The following SFXN5 variants were observed in gnomAD, a reference collection of about 807,000 sequenced individuals.
SFXN5 encodes sideroflexin 5.
SFXN5 carries 43 observed loss-of-function variants against 50.2 expected under a neutral mutation model. The observed-to-expected ratio is 0.86, with a 90% CI of 0.67 to 1.11. SFXN5 has a LOEUF of 1.11. Ranked by LOEUF, SFXN5 falls within the 50% of genes least tolerant of loss-of-function variation. The pLI, the probability that SFXN5 is intolerant of heterozygous loss-of-function variation, is 0.00. For missense variants in SFXN5, 463 were observed against 454.1 expected, an observed-to-expected ratio of 1.02 and a Z score of -0.18; for synonymous variants, 203 against 185.8, an observed-to-expected ratio of 1.09 and a Z score of -0.75.
intron 2 of SFXN5, among the ~76,000 whole-genome samples, chr2:73,050,388 GCA>G (rs770773072): frequency 0.56 from 80,007 of 143,804 alleles, 25,989 homozygotes; most frequent in Non-Finnish European, 0.72. Context: ...CAGCCACAGC[GCA>G]CGCACACACA....
chr2:73,050,377 G>A (rs535160783), intron 2 of SFXN5, among the ~76,000 whole-genome samples: 1 of 93,076 alleles, frequency 1.1e-5, no homozygotes, highest in Non-Finnish European at 1.9e-5. Context: ...AGGTAGCGCC[G>A]CAGCCACAGC....
At position 72,965,222 on chromosome 2, in the gene SFXN5, C is replaced by T. The variant is rs149597920; in HGVS notation, c.827+3226G>A. 2.1e-3 allele frequency among the ~76,000 whole-genome samples: 322 copies of T among 152,230 alleles called. 2 individuals carry two copies. The highest frequency in any genetic ancestry group is 7.2e-3 in the African/African-American group (298 of 41,536). On this transcript the variant is annotated intron_variant, in intron 12 of 13. Coordinates refer to ENST00000272433, the MANE Select transcript of SFXN5 (RefSeq NM_144579.3). The stretch of plus-strand genomic sequence containing the variant: ...GGCGGAAGGGCACATTGACAGACGC[C>T]GGCAGGCCACCCACGGGCAGAATGA...
intron 6 of SFXN5, among the ~76,000 whole-genome samples, chr2:73,008,750 G>A (rs1251581660): frequency 3.3e-5 from 5 of 152,222 alleles, no homozygotes; most frequent in Admixed American, 6.5e-5. Context: ...CGGCATAGCC[G>A]CGGTGCTTAT....
At chr2:73,040,304 C>A (rs953612196) in intron 3 of SFXN5, among the ~76,000 whole-genome samples, 1 of 152,146 alleles carries the variant, frequency 6.6e-6, no homozygotes, top group Non-Finnish European at 1.5e-5. Flanking sequence ...CAAAACACCA[C>A]CTTCAACATT....
At chr2:72,959,620 T>C (rs1419420867) in intron 13 of SFXN5, among the ~76,000 whole-genome samples, 3 of 152,000 alleles carry the variant, frequency 2.0e-5, no homozygotes, top group African/African-American at 7.3e-5. Flanking sequence ...CAGCAGCATT[T>C]TCCTCCCACC....
intron 9 of SFXN5, chr2:72,998,067 A>C (rs1005546629): frequency 6.6e-6 from 1 of 152,186 alleles, no homozygotes; most frequent in Non-Finnish European, 1.5e-5. Flanking sequence ...AGCTATGTGA[A>C]TGTTGTTTGG....
chr2:72,950,355 C>T lies in SFXN5; in HGVS notation c.946-5256G>A, dbSNP rs1029086610. Reference sequence around the variant, plus strand: ...GTGACTGCCTGGGGTCCACATTGTCCGACCCCCACCTCATGCTGATCCTGG... The same window carrying T: ...GTGACTGCCTGGGGTCCACATTGTCTGACCCCCACCTCATGCTGATCCTGG... On this transcript the variant is annotated intron_variant, in intron 13 of 13. Coordinates refer to ENST00000272433, the MANE Select transcript of SFXN5 (RefSeq NM_144579.3). The surrounding 1 kb of genome is among the most constrained non-coding windows in gnomAD (Gnocchi z 4.2). Among the ~76,000 whole-genome samples, 5 of 152,254 alleles carry T rather than the reference C, an allele frequency of 3.3e-5. No individual in the cohort carries two copies. The highest frequency in any genetic ancestry group is 2.1e-4 in the South Asian group (1 of 4,822).
chr2:73,021,174 G>A (rs539401745), intron 5 of SFXN5, among the ~76,000 whole-genome samples: 8 of 152,226 alleles, frequency 5.3e-5, no homozygotes, highest in Admixed American at 3.9e-4. Context: ...CTGCTGTGCC[G>A]GGTGCAGGGA....
At chr2:72,981,139 CAAT>C (rs2105518216) in intron 10 of SFXN5, 1 of 152,254 alleles carries the variant, frequency 6.6e-6, no homozygotes, top group African/African-American at 2.4e-5. Flanking sequence ...CAGCTCATTC[CAAT>C]AACAGGCTCT....
chr2:72,984,866 T>C (rs1447434634), intron 10 of SFXN5, among the ~76,000 whole-genome samples: 16 of 152,128 alleles, frequency 1.1e-4, no homozygotes, highest in Admixed American at 9.8e-4. Context: ...CAGGCCACTC[T>C]TAGGCAGTGT....
chr2:72,944,844 G>T lies in SFXN5; in HGVS notation c.*178C>A. 1.7e-6 allele frequency: 1 copy of T among 585,198 alleles called. No homozygotes were observed. The highest frequency in any genetic ancestry group is 2.2e-5 in the South Asian group (1 of 46,470). 36.3% of individuals were successfully genotyped at this position (585,198 alleles called of 1,614,324 possible). A position where few individuals can be genotyped will look rare whatever the true frequency, so the allele number is the denominator to read the frequency against. On this transcript the variant is annotated 3_prime_UTR_variant, in exon 14 of 14. Transcript: ENST00000272433. ...TACGAAATGTGTTAGAACTCCTCTT[G>T]CCTATGTTAAAATGTGAATGGGTCA...
chr2:72,983,847 TG>T (rs747605343), intron 10 of SFXN5, among the ~76,000 whole-genome samples: 3 of 152,110 alleles, frequency 2.0e-5, no homozygotes, highest in Non-Finnish European at 4.4e-5. Flanking sequence ...GAGAAGCCTG[TG>T]GGGCCGGCAA....
chr2:73,008,601 G>A (rs1675068119), intron 6 of SFXN5, among the ~76,000 whole-genome samples: 2 of 152,182 alleles, frequency 1.3e-5, no homozygotes, highest in African/African-American at 4.8e-5. Context: ...GCATGGAAGC[G>A]GCAGTGCTGT....
intron 1 of SFXN5, among the ~76,000 whole-genome samples, chr2:73,067,363 T>C (rs1290748398): frequency 6.6e-6 from 1 of 152,188 alleles, no homozygotes; most frequent in African/African-American, 2.4e-5. Context: ...GATGGGATCC[T>C]GGGACAGAAA....
At chr2:72,988,226 C>A (rs1354598540) in intron 10 of SFXN5, 32 bp downstream of exon 10, 2 of 1,596,486 alleles carry the variant, frequency 1.3e-6, no homozygotes, top group African/African-American at 2.7e-5. Context: ...CACCCACCCA[C>A]AGCACACATC....
chr2:73,001,195 T>C (rs989215249), intron 7 of SFXN5, among the ~76,000 whole-genome samples: 4 of 152,236 alleles, frequency 2.6e-5, no homozygotes, highest in African/African-American at 7.2e-5. Flanking sequence ...TCAGGGTCAC[T>C]GGCCTTGGGA....
At chr2:73,019,908 G>C (rs1421452305) in intron 6 of SFXN5, 1 of 234,636 alleles carries the variant, frequency 4.3e-6, no homozygotes, top group Non-Finnish European at 8.2e-6. Context: ...CAGAAGGCAT[G>C]CTTCTACTCC....
At position 73,058,588 on chromosome 2, in the gene SFXN5, G is replaced by A. The variant is rs1317330787; in HGVS notation, c.111C>T (p.Phe37=). ...CCAAGAAGTGCCTGAAGCGGCCATA[G>A]AAGGACGTCTGAAGAAGAGGATGAG... The part of the protein sequence containing the change: ...LGKPRFQQTS[F]YGRFRHFLDI... The change falls in exon 2 of 14, where the codon TTC becomes TTT. Residue 37 remains phenylalanine (F), a synonymous_variant. Coordinates refer to ENST00000272433, the MANE Select transcript of SFXN5 (RefSeq NM_144579.3). 1 of 1,613,992 alleles carries A rather than the reference G, an allele frequency of 6.2e-7. No individual in the cohort carries two copies. The highest frequency in any genetic ancestry group is 8.5e-7 in the Non-Finnish European group (1 of 1,179,978).
At chr2:72,968,122 AACACACACACACACACACACACACACAC>A (rs34361357) in intron 12 of SFXN5, among the ~76,000 whole-genome samples, 1 of 137,214 alleles carries the variant, frequency 7.3e-6, no homozygotes, top group Non-Finnish European at 1.6e-5. Flanking sequence ...CACACATGAA[AACACACACACACACACACACACACACAC>A]ACACACACAC....
Sources: gnomAD v4.1 joint callset for allele counts (sites outside exome capture counted in the v4.1 genomes callset) on GRCh38, gnomAD v4.1.1 for gene constraint, Gnocchi (gnomAD v3.1) non-coding constraint, MANE v1.5 for transcripts, NCBI Gene and HGNC (gene_info 2026-07-23, HGNC 2026-07-21) for gene names.